Variants in SPAG17 observed in about 807,000 individuals in gnomAD.
The protein encoded by SPAG17 is sperm-associated antigen 17.
A neutral mutation model predicts 273.6 loss-of-function variants in SPAG17; 169 were observed. The ratio of observed to expected loss-of-function variants is 0.62; its 90% CI spans 0.55 to 0.70. The LOEUF (loss-of-function observed/expected upper bound fraction) is 0.70. Among genes scored for constraint, SPAG17 ranks in the 30% least tolerant of loss-of-function variants. The pLI is 0.00. For missense variants in SPAG17, 2,557 were observed against 2,627.8 expected (o/e 0.97, Z 0.59); for synonymous variants, 825 against 873.2 (o/e 0.94, Z 0.97).
chr1:118,066,691 G>A (rs1653009471), intron 18 of SPAG17, 54 bp downstream of exon 18: 1 of 1,491,792 alleles, frequency 6.7e-7, no homozygotes, highest in South Asian at 1.2e-5. Flanking sequence ...CTAAGTAACT[G>A]GCAAGCTAAC....
chr1:118,091,949 T>G lies in SPAG17; in HGVS notation c.1227A>C (p.Glu409Asp). 6.2e-7 allele frequency: 1 copy of G among 1,613,720 alleles called. No individual in the cohort carries two copies. Among genetic ancestry groups the G allele is most frequent in the Non-Finnish European group, 8.5e-7 (1 of 1,179,688 alleles). The change falls in exon 9 of 49, where the codon GAA becomes GAC. Residue 409 changes from glutamate to aspartate, a missense_variant. Transcript: ENST00000336338. ...APGKKKAQYE[E>D]PQAPPPVTSV... Reference sequence around the variant, plus strand: ...ACATGCCTGGTGGTGGAGCTTGCGGTTCTTCATACTGTGCTTTCTTCTTTC... The same window carrying G: ...ACATGCCTGGTGGTGGAGCTTGCGGGTCTTCATACTGTGCTTTCTTCTTTC...
chr1:118,176,649 C>CA (rs1311339100), intron 1 of SPAG17, among the ~76,000 whole-genome samples: 2 of 151,980 alleles, frequency 1.3e-5, no homozygotes, highest in African/African-American at 2.4e-5. Flanking sequence ...TAATCCAGAC[C>CA]AAAAAATCAC....
intron 17 of SPAG17, among the ~76,000 whole-genome samples, chr1:118,072,636 A>G (rs1653717607): frequency 6.6e-6 from 1 of 152,254 alleles, no homozygotes; most frequent in Non-Finnish European, 1.5e-5. Context: ...AGAGAAAATA[A>G]AAATGGTACC....
Position 117,974,682 on chromosome 1 carries a change from T to C in SPAG17, c.6005-1121A>G, listed in dbSNP as rs568537724. On this transcript the variant is annotated intron_variant, in intron 43 of 48. Transcript: ENST00000336338. ...TCTTTTCCTCAGTTACATGAGGGAA[T>C]GAGCAAGTGTAGGAAATCCATGCAG... 5.3e-5 allele frequency among the ~76,000 whole-genome samples: 8 copies of C among 152,332 alleles called. No homozygotes were observed. The East Asian group carries it at 1.5e-3, about 29-fold the overall frequency.
Position 118,055,842 on chromosome 1 carries a change from A to G in SPAG17, c.2613T>C (p.Ser871=), listed in dbSNP as rs763216569. The change falls in exon 19 of 49, where the codon TCT becomes TCC. Residue 871 remains serine (S), a synonymous_variant. Coordinates refer to ENST00000336338, the MANE Select transcript of SPAG17 (RefSeq NM_206996.4). Reference sequence around the variant, plus strand: ...TCCTGATGATTTTCTCATTCATTTTAGATTCCTGATATATAGCTTCTTCTT... The same window carrying G: ...TCCTGATGATTTTCTCATTCATTTTGGATTCCTGATATATAGCTTCTTCTT... The part of the protein sequence containing the change: ...ITKEEAIYQE[S]KMNEKIIRTR... 4.3e-6 allele frequency: 7 copies of G among 1,612,968 alleles called. No homozygotes were observed. The African/African-American group carries it at 5.3e-5, about 12-fold the overall frequency.
rs1344597619 is a variant in SPAG17, at chr1:118,185,145, T to G, written c.13A>C (p.Lys5Gln). The change falls in exon 1 of 49, where the codon AAG becomes CAG. Residue 5 changes from lysine to glutamine, a missense_variant. Coordinates refer to ENST00000336338, the MANE Select transcript of SPAG17 (RefSeq NM_206996.4). ...GTGTTCACAGTTCCTCCTTTCTCCT[T>G]CTTGGGTGCCATGCAAAGGACGGGA... MAPK[K>Q]EKGGTVNTSS... is the part of the protein sequence containing the mutation. 1 of 1,613,924 alleles carries G rather than the reference T, an allele frequency of 6.2e-7. No individual in the cohort carries two copies. Among genetic ancestry groups the G allele is most frequent in the Non-Finnish European group, 8.5e-7 (1 of 1,179,826 alleles).
At chr1:117,989,776 C>T (rs1448907223) in intron 38 of SPAG17, among the ~76,000 whole-genome samples, 3 of 151,816 alleles carry the variant, frequency 2.0e-5, no homozygotes, top group East Asian at 1.9e-4. Flanking sequence ...GATGGGGTTT[C>T]GCCATGTTGC....
In SPAG17 at chr1:118,054,010, A is replaced by G; in HGVS notation, c.2806T>C (p.Ser936Pro). The change falls in exon 20 of 49, where the codon TCT becomes CCT. Residue 936 changes from serine (S) to proline (P), a missense_variant. Physicochemically the swap from Ser to Pro is moderately conservative, Grantham distance 74. Transcript: ENST00000336338. ...KEKIPFILEG[S>P]LKAWKEEQHR... ...TATGTAAGCTGGATTACCTTGAGAGAGCCTTCTAAAATGAAAGGAATCTTT... is the reference window on the plus strand; with the variant it reads ...TATGTAAGCTGGATTACCTTGAGAGGGCCTTCTAAAATGAAAGGAATCTTT... The G allele has an allele frequency of 6.2e-7, 1 of 1,605,636 alleles. No homozygotes were observed. The highest frequency in any genetic ancestry group is 8.5e-7 in the Non-Finnish European group (1 of 1,174,538).
chr1:118,155,387 A>G (rs1659600323), intron 1 of SPAG17, among the ~76,000 whole-genome samples: 1 of 152,232 alleles, frequency 6.6e-6, no homozygotes, highest in Admixed American at 6.5e-5. Flanking sequence ...TCATATTCTT[A>G]AACAATTGCA....
chr1:117,991,324 G>T, intron 37 of SPAG17, 91 bp downstream of exon 37: 1 of 707,894 alleles, frequency 1.4e-6, no homozygotes. Flanking sequence ...CATGGAAGTG[G>T]CAGAAGCAGC....
rs143192969 is a variant in SPAG17 at position 118,012,325 on chromosome 1, A to G, written c.4335T>C (p.Asp1445=). The G allele has an allele frequency of 6.2e-6, 10 of 1,613,824 alleles. No homozygotes were observed. In the South Asian group the frequency reaches 1.1e-4, roughly 18 times the overall value. ...CAGCATGATCCACTATCCGAGTACC[A>G]TCTTTCCTTTCAACTATGACAACTT... ...EDKVVIVERK[D]GTRIVDHADG... is the part of the protein sequence containing the mutation. Residue 1445 remains aspartate (D), a synonymous_variant, in exon 30 of 49, where the codon GAT becomes GAC. Coordinates refer to ENST00000336338, the MANE Select transcript of SPAG17 (RefSeq NM_206996.4).
intron 1 of SPAG17, among the ~76,000 whole-genome samples, chr1:118,177,708 T>G (rs1208552021): frequency 1.3e-5 from 2 of 151,974 alleles, no homozygotes; most frequent in Admixed American, 1.3e-4. Flanking sequence ...AAGAGCCAGG[T>G]AAATAAACTT....
At chr1:118,169,485 T>G (rs1660319927) in intron 1 of SPAG17, among the ~76,000 whole-genome samples, 1 of 152,222 alleles carries the variant, frequency 6.6e-6, no homozygotes, top group Non-Finnish European at 1.5e-5. Flanking sequence ...GTATTTCCAG[T>G]AAGTCTTAAA....
chr1:118,044,110 G>A (rs1394802079), intron 20 of SPAG17, among the ~76,000 whole-genome samples: 2 of 152,114 alleles, frequency 1.3e-5, no homozygotes, highest in African/African-American at 4.8e-5. Context: ...TATATACTGT[G>A]TGTCAGAAAC....
At chr1:118,081,698 G>T (rs1009098469) in intron 13 of SPAG17, 56 bp from the exon 14 acceptor site, 81 of 1,440,398 alleles carry the variant, frequency 5.6e-5, no homozygotes, top group Non-Finnish European at 7.2e-5. Context: ...ACATGGTACA[G>T]GGTTGACAGA....
At chr1:118,074,913 G>C (rs1186138374) in intron 15 of SPAG17, among the ~76,000 whole-genome samples, 1 of 152,170 alleles carries the variant, frequency 6.6e-6, no homozygotes, top group African/African-American at 2.4e-5. Flanking sequence ...TTTAAAAGTT[G>C]TAATTATTTA....
chr1:118,007,129 T>C (rs1198976270), intron 31 of SPAG17, among the ~76,000 whole-genome samples: 3 of 152,204 alleles, frequency 2.0e-5, no homozygotes, highest in African/African-American at 7.2e-5. Context: ...CTTGTATGTT[T>C]GGCATCATAT....
intron 17 of SPAG17, among the ~76,000 whole-genome samples, chr1:118,072,197 A>G (rs964458591): frequency 6.6e-6 from 1 of 152,246 alleles, no homozygotes; most frequent in Non-Finnish European, 1.5e-5. Flanking sequence ...ATGCTTTTTA[A>G]TTTAGCATTT....
At chr1:118,146,253 C>G (rs983566919) in intron 3 of SPAG17, among the ~76,000 whole-genome samples, 42 of 152,182 alleles carry the variant, frequency 2.8e-4, no homozygotes, top group Admixed American at 2.7e-3. Context: ...ACACGTAGAA[C>G]TCTCTCATCG....
Sources: gnomAD v4.1 joint callset for allele counts (sites outside exome capture counted in the v4.1 genomes callset) on GRCh38, gnomAD v4.1.1 for gene constraint, MANE v1.5 for transcripts, NCBI Gene and HGNC (gene_info 2026-07-23, HGNC 2026-07-21) for gene names.